The following NTM variants were observed in gnomAD, a reference collection of about 807,000 sequenced individuals.
The protein encoded by NTM is neurotrimin.
NTM carries 13 observed loss-of-function variants against 42.1 expected under a neutral mutation model. That is an observed-to-expected ratio of 0.31 (90% CI 0.20 to 0.49). NTM has a LOEUF of 0.49. Ranked by LOEUF, NTM falls within the 20% of genes least tolerant of loss-of-function variation. NTM has a pLI of 0.99. For synonymous variants in NTM, 187 were observed against 179.2 expected (o/e 1.04, Z -0.35); for missense variants, 373 against 452.8 (o/e 0.82, Z 1.60).
At chr11:131,468,167 C>T (rs932436076) in intron 1 of NTM, among the ~76,000 whole-genome samples, 1 of 152,240 alleles carries the variant, frequency 6.6e-6, no homozygotes, top group African/African-American at 2.4e-5. Flanking sequence ...CGCACTTTGC[C>T]TGCCCCCCTT....
intron 1 of NTM, among the ~76,000 whole-genome samples, chr11:131,799,415 T>C (rs979467035): frequency 2.0e-5 from 3 of 152,168 alleles, no homozygotes; most frequent in Non-Finnish European, 2.9e-5. Flanking sequence ...ATTGCAGGTG[T>C]ACAAACAAAT....
At chr11:132,253,883 C>T (rs546022001) in intron 4 of NTM, among the ~76,000 whole-genome samples, 1 of 152,332 alleles carries the variant, frequency 6.6e-6, no homozygotes, top group South Asian at 2.1e-4. Context: ...CTGTCCTTTC[C>T]ATCTGCATAT....
At chr11:132,063,982 G>A (rs1357547654) in intron 2 of NTM, among the ~76,000 whole-genome samples, 2 of 152,154 alleles carry the variant, frequency 1.3e-5, no homozygotes, top group Admixed American at 6.5e-5. Flanking sequence ...AGGGTGCTGT[G>A]TACTTTAGCA....
chr11:131,716,295 A>C (rs2077682225), intron 1 of NTM, among the ~76,000 whole-genome samples: 1 of 152,128 alleles, frequency 6.6e-6, no homozygotes, highest in African/African-American at 2.4e-5. Flanking sequence ...TCACCTTGAG[A>C]GTTAGAATTC....
intron 3 of NTM, among the ~76,000 whole-genome samples, chr11:132,204,779 T>C (rs1293266305): frequency 6.6e-6 from 1 of 152,138 alleles, no homozygotes; most frequent in East Asian, 1.9e-4. Context: ...CCGTTCAGTG[T>C]GGATGAGAGA....
intron 1 of NTM, among the ~76,000 whole-genome samples, chr11:131,738,708 C>T (rs1386018703): frequency 1.6e-4 from 25 of 152,162 alleles, no homozygotes; most frequent in Admixed American, 1.6e-3. Context: ...TATGCTTTGC[C>T]AATAAGCCAT....
intron 2 of NTM, among the ~76,000 whole-genome samples, chr11:131,917,406 T>C (rs2056564139): frequency 6.6e-6 from 1 of 152,218 alleles, no homozygotes; most frequent in South Asian, 2.1e-4. Flanking sequence ...ATAGAAGTCA[T>C]TGAACTTGTG....
chr11:131,498,319 C>G (rs1315823492), intron 1 of NTM, among the ~76,000 whole-genome samples: 7 of 152,192 alleles, frequency 4.6e-5, no homozygotes. Context: ...GGATATTACC[C>G]ACCTTCCAGA....
At chr11:132,089,344 A>G (rs188469300) in intron 2 of NTM, among the ~76,000 whole-genome samples, 1 of 152,198 alleles carries the variant, frequency 6.6e-6, no homozygotes. Context: ...CTTCAAAAAA[A>G]TGCTTCAGGA....
At chr11:131,390,057 A>G (rs1364078612) in intron 1 of NTM, among the ~76,000 whole-genome samples, 1 of 152,168 alleles carries the variant, frequency 6.6e-6, no homozygotes, top group Non-Finnish European at 1.5e-5. Flanking sequence ...TGGGCAATGT[A>G]CAAAGAAAAG....
intron 4 of NTM, among the ~76,000 whole-genome samples, chr11:132,276,430 C>G (rs2093729350): frequency 6.6e-6 from 1 of 152,108 alleles, no homozygotes; most frequent in African/African-American, 2.4e-5. Flanking sequence ...GGATTGCTTG[C>G]AAGCTTGGCT....
chr11:131,397,651 A>C (rs554310383), intron 1 of NTM, among the ~76,000 whole-genome samples: 1 of 152,146 alleles, frequency 6.6e-6, no homozygotes, highest in Non-Finnish European at 1.5e-5. Context: ...TCTGATTTGG[A>C]CTAGCAACCT....
chr11:131,575,736 T>G (rs2057868557), intron 1 of NTM, among the ~76,000 whole-genome samples: 1 of 152,144 alleles, frequency 6.6e-6, no homozygotes, highest in Admixed American at 6.5e-5. Flanking sequence ...TGGCTTATCC[T>G]TCCCCAATTC....
chr11:132,064,304 T>G (rs2081118968), intron 2 of NTM, among the ~76,000 whole-genome samples: 2 of 152,230 alleles, frequency 1.3e-5, no homozygotes, highest in African/African-American at 4.8e-5. Flanking sequence ...ATCTAATCTA[T>G]CTATCTACCT....
At chr11:132,313,831 G>A (rs968392148) in intron 6 of NTM, among the ~76,000 whole-genome samples, 1 of 152,042 alleles carries the variant, frequency 6.6e-6, no homozygotes, top group Non-Finnish European at 1.5e-5. Context: ...AAGTCCTTGT[G>A]GCTTACTGGG....
chr11:131,666,892 G>A lies in NTM; in HGVS notation c.83-244672G>A, dbSNP rs533234060. 1.2e-4 allele frequency among the ~76,000 whole-genome samples: 19 copies of A among 152,316 alleles called. No individual in the cohort carries two copies. In the South Asian group the frequency reaches 3.9e-3, roughly 32 times the overall value. The stretch of plus-strand genomic sequence containing the variant: ...TTTCTGGAAGCTGAGCTATTGATCT[G>A]TGGCTGGGTGAGTAAAGATCCAGGT... On this transcript the variant is annotated intron_variant, in intron 1 of 8. Transcript: ENST00000683400.
chr11:131,845,718 A>T (rs10791177), intron 1 of NTM, among the ~76,000 whole-genome samples: 118,592 of 150,776 alleles, frequency 0.79, 47,087 homozygotes, highest in African/African-American at 0.87. Flanking sequence ...GATTTTTTTT[A>T]AAATATCTTT....
intron 1 of NTM, among the ~76,000 whole-genome samples, chr11:131,389,921 G>A (rs1352161800): frequency 6.6e-6 from 1 of 152,182 alleles, no homozygotes; most frequent in Non-Finnish European, 1.5e-5. Context: ...GAAGGGTGAG[G>A]GGTGGATGAG....
intron 8 of NTM, among the ~76,000 whole-genome samples, chr11:132,334,055 C>T (rs2095846410): frequency 6.6e-6 from 1 of 152,220 alleles, no homozygotes; most frequent in Admixed American, 6.5e-5. Context: ...TTCAATGCAA[C>T]AGAGTATGCC....
Sources: allele counts gnomAD v4.1 joint callset (sites outside exome capture counted in the v4.1 genomes callset), GRCh38; gene constraint gnomAD v4.1.1; transcripts MANE v1.5; gene names NCBI Gene and HGNC (gene_info 2026-07-23, HGNC 2026-07-21).